Variants in SPAG16 observed in about 807,000 individuals in gnomAD.
The protein encoded by SPAG16 is sperm associated antigen 16, also known as sperm-associated antigen 16 protein.
A neutral mutation model predicts 80.4 loss-of-function variants in SPAG16; 86 were observed. The ratio of observed to expected loss-of-function variants is 1.07; its 90% CI spans 0.90 to 1.28. The LOEUF (loss-of-function observed/expected upper bound fraction) is 1.28. Ranked by LOEUF, SPAG16 falls within the 50% of genes most tolerant of loss-of-function variation. The pLI, the probability that SPAG16 is intolerant of heterozygous loss-of-function variation, is 0.00. For synonymous variants in SPAG16, 294 were observed against 265.9 expected (o/e 1.11, Z -1.03); for missense variants, 870 against 765.3 (o/e 1.14, Z -1.61).
At chr2:214,059,319 TGGTTG>T (rs1159732811) in intron 13 of SPAG16, among the ~76,000 whole-genome samples, 5 of 149,106 alleles carry the variant, frequency 3.4e-5, no homozygotes, top group Non-Finnish European at 5.9e-5. Flanking sequence ...GACTTCTGAA[TGGTTG>T]TCTTTTTTTT....
chr2:213,766,792 A>G (rs1033532005), intron 10 of SPAG16, among the ~76,000 whole-genome samples: 1 of 152,250 alleles, frequency 6.6e-6, no homozygotes, highest in Non-Finnish European at 1.5e-5. Flanking sequence ...CAGCAGAGAC[A>G]CATGGGCTAG....
intron 10 of SPAG16, among the ~76,000 whole-genome samples, chr2:213,654,527 T>C (rs1389514147): frequency 8.6e-6 from 1 of 116,760 alleles, no homozygotes; most frequent in Non-Finnish European, 1.7e-5. Context: ...AAACCCCGTC[T>C]CTACTAAAAA....
chr2:214,313,052 T>G (rs1695444420), intron 15 of SPAG16, among the ~76,000 whole-genome samples: 1 of 152,122 alleles, frequency 6.6e-6, no homozygotes, highest in South Asian at 2.1e-4. Context: ...CAAAGCTACC[T>G]GCGAATATTT....
chr2:213,989,052 T>C (rs1357992401), intron 12 of SPAG16, among the ~76,000 whole-genome samples: 11 of 152,050 alleles, frequency 7.2e-5, no homozygotes, highest in Admixed American at 7.2e-4. Context: ...TCTAGGTTTG[T>C]GCTGGGTCAG....
chr2:213,901,254 T>C (rs905322346), intron 11 of SPAG16, among the ~76,000 whole-genome samples: 3 of 152,188 alleles, frequency 2.0e-5, no homozygotes, highest in Non-Finnish European at 4.4e-5. Flanking sequence ...CTAAGTATCG[T>C]AGCAGCCTAC....
At chr2:213,420,539 T>C (rs1292316340) in intron 9 of SPAG16, among the ~76,000 whole-genome samples, 1 of 152,194 alleles carries the variant, frequency 6.6e-6, no homozygotes, top group Non-Finnish European at 1.5e-5. Flanking sequence ...TATTTTAGAA[T>C]TTGCACAGCA....
At chr2:213,462,214 T>G (rs1015064177) in intron 9 of SPAG16, among the ~76,000 whole-genome samples, 5 of 151,986 alleles carry the variant, frequency 3.3e-5, no homozygotes, top group African/African-American at 1.2e-4. Flanking sequence ...GGAGTGAAAA[T>G]AGGGAATTCC....
At chr2:213,992,475 T>C (rs964136997) in intron 12 of SPAG16, among the ~76,000 whole-genome samples, 1 of 152,232 alleles carries the variant, frequency 6.6e-6, no homozygotes, top group Non-Finnish European at 1.5e-5. Context: ...GACTACATTT[T>C]TTACATTAAA....
intron 12 of SPAG16, among the ~76,000 whole-genome samples, chr2:213,950,635 T>TTCCTCCCTCTCTCCTTCCC (rs1319233195): frequency 1.3e-5 from 2 of 151,886 alleles, no homozygotes; most frequent in South Asian, 4.2e-4. Flanking sequence ...CCTTCCTTGC[T>TTCCTCCCTCTCTCCTTCCC]TCCTCCCTCT....
intron 10 of SPAG16, among the ~76,000 whole-genome samples, chr2:213,754,208 A>T (rs991842525): frequency 2.6e-5 from 4 of 152,182 alleles, no homozygotes; most frequent in Non-Finnish European, 5.9e-5. Flanking sequence ...GACATACCAG[A>T]TACTAAGTTT....
chr2:213,422,386 G>A (rs1007907266), intron 9 of SPAG16: 1 of 665,950 alleles, frequency 1.5e-6, no homozygotes, highest in African/African-American at 1.8e-5. Context: ...CCCCACTGCA[G>A]CAGCTGGCAT....
intron 13 of SPAG16, among the ~76,000 whole-genome samples, chr2:214,049,745 C>G (rs139717204): frequency 6.6e-6 from 1 of 152,182 alleles, no homozygotes; most frequent in Non-Finnish European, 1.5e-5. Context: ...GGACGCAGCC[C>G]TGGGGACTCC....
At chr2:214,148,149 A>G (rs79260980) in intron 14 of SPAG16, among the ~76,000 whole-genome samples, 6 of 152,292 alleles carry the variant, frequency 3.9e-5, no homozygotes, top group Admixed American at 1.3e-4. Flanking sequence ...TACTCATTCA[A>G]TTTGTGAGTG....
intron 12 of SPAG16, 31 bp downstream of exon 12, chr2:213,930,176 C>T (rs763284449): frequency 1.3e-6 from 2 of 1,567,850 alleles, no homozygotes; most frequent in African/African-American, 2.7e-5. Flanking sequence ...TACTAATCCT[C>T]TGTGCTGATA....
intron 12 of SPAG16, among the ~76,000 whole-genome samples, chr2:213,932,025 T>C (rs191524991): frequency 1.3e-4 from 20 of 151,766 alleles, no homozygotes; most frequent in Non-Finnish European, 2.6e-4. Context: ...AGTGTCTTTC[T>C]TCAAAATTTC....
intron 10 of SPAG16, among the ~76,000 whole-genome samples, chr2:213,492,556 C>CA (rs958251870): frequency 1.4e-3 from 211 of 148,856 alleles, no homozygotes; most frequent in African/African-American, 2.3e-3. Flanking sequence ...TCTCAAAAAA[C>CA]AAAAAAAAAC....
intron 9 of SPAG16, among the ~76,000 whole-genome samples, chr2:213,415,790 G>A (rs1373865872): frequency 6.6e-6 from 1 of 152,132 alleles, no homozygotes; most frequent in Admixed American, 6.5e-5. Flanking sequence ...TTGGTTAACT[G>A]TCGTACACAG....
chr2:213,364,097 T>A lies in SPAG16; in HGVS notation c.784T>A (p.Leu262Met), dbSNP rs759600418. The part of the protein sequence containing the change: ...VGQISGLQET[L>M]KKLQRGHSYH... ...TTAGATTTCTGGACTTCAAGAAACATTGAAGAAACTGCAAAGAGGACATAG... is the reference window on the plus strand; with the variant it reads ...TTAGATTTCTGGACTTCAAGAAACAATGAAGAAACTGCAAAGAGGACATAG... The change falls in exon 8 of 16, where the codon TTG becomes ATG. Residue 262 changes from leucine (L) to methionine (M), a missense_variant. By Grantham distance (15) the Leu-to-Met change is conservative. Coordinates refer to ENST00000331683, the MANE Select transcript of SPAG16 (RefSeq NM_024532.5). The A allele has an allele frequency of 6.6e-7, 1 of 1,522,668 alleles. No individual in the cohort carries two copies. Among genetic ancestry groups the A allele is most frequent in the African/African-American group, 1.4e-5 (1 of 71,376 alleles). 94.3% of individuals were successfully genotyped at this position (1,522,668 alleles called of 1,614,324 possible).
At chr2:213,761,132 A>C (rs192266277) in intron 10 of SPAG16, among the ~76,000 whole-genome samples, 29 of 152,360 alleles carry the variant, frequency 1.9e-4, no homozygotes, top group Admixed American at 8.5e-4. Flanking sequence ...AAAACCAGAA[A>C]AAGTTACAAA....
Sources: gnomAD v4.1 joint callset for allele counts (sites outside exome capture counted in the v4.1 genomes callset) on GRCh38, gnomAD v4.1.1 for gene constraint, MANE v1.5 for transcripts, NCBI Gene and HGNC (gene_info 2026-07-23, HGNC 2026-07-21) for gene names.